NEK7: variants seen among roughly 807,000 people sequenced by gnomAD.
NEK7 encodes NIMA related kinase 7, also known as serine/threonine-protein kinase Nek7.
A neutral mutation model predicts 44.6 loss-of-function variants in NEK7; 18 were observed. The ratio of observed to expected loss-of-function variants is 0.40; its 90% CI spans 0.28 to 0.60. The LOEUF is 0.60. Among genes scored for constraint, NEK7 ranks in the 20% least tolerant of loss-of-function variants. NEK7 has a pLI of 0.38. For missense variants in NEK7, 256 were observed against 366.5 expected, an observed-to-expected ratio of 0.70 and a Z score of 2.46; for synonymous variants, 130 against 121.1, an observed-to-expected ratio of 1.07 and a Z score of -0.48.
At chr1:198,242,132 AATT>A (rs1380967482) in intron 2 of NEK7, among the ~76,000 whole-genome samples, 3 of 151,670 alleles carry the variant, frequency 2.0e-5, no homozygotes, top group Non-Finnish European at 4.4e-5. Context: ...CTCCATCTCA[AATT>A]ATATTCTTAT....
At chr1:198,213,407 G>C (rs1665833119) in intron 1 of NEK7, among the ~76,000 whole-genome samples, 1 of 152,136 alleles carries the variant, frequency 6.6e-6, no homozygotes, top group Non-Finnish European at 1.5e-5. Flanking sequence ...AAGGGTCTTG[G>C]AGAAGGGGGC....
rs116602713 is a variant in NEK7, at chr1:198,217,998, C to A, written c.-28-14555C>A. On this transcript the variant is annotated intron_variant, in intron 1 of 9. Coordinates refer to ENST00000367385, the MANE Select transcript of NEK7 (RefSeq NM_133494.3). ...AAAGAATCAATATTGTGAAAATGAC[C>A]ATACTGCCTAAAGCAATCCTATGAA... Among the ~76,000 whole-genome samples, 294 of 151,994 alleles carry A rather than the reference C, an allele frequency of 1.9e-3. 1 individual carries two copies. The highest frequency in any genetic ancestry group is 6.5e-3 in the African/African-American group (271 of 41,516).
chr1:198,249,054 C>A lies in NEK7; in HGVS notation c.58-3986C>A, dbSNP rs1245278197. ...ATCCCTCCCCCCTCCCCCCACCCCACAACAGTCCCCAGAGTGTGATGTTCC... is the reference window on the plus strand; with the variant it reads ...ATCCCTCCCCCCTCCCCCCACCCCAAAACAGTCCCCAGAGTGTGATGTTCC... On this transcript the variant is annotated intron_variant, in intron 2 of 9. Coordinates refer to ENST00000367385, the MANE Select transcript of NEK7 (RefSeq NM_133494.3). 2.5e-5 allele frequency among the ~76,000 whole-genome samples: 3 copies of A among 119,644 alleles called. No individual in the cohort carries two copies. In the South Asian group the frequency reaches 8.8e-4, roughly 35 times the overall value. 78.5% of individuals were successfully genotyped at this position (119,644 alleles called of 152,430 possible). A position where few individuals can be genotyped will look rare whatever the true frequency, so the allele number is the denominator to read the frequency against.
At position 198,242,751 on chromosome 1, in the gene NEK7, C is replaced by T. The variant is rs369841441; in HGVS notation, c.57+10114C>T. Among the ~76,000 whole-genome samples, 59 of 150,988 alleles carry T rather than the reference C, an allele frequency of 3.9e-4. No homozygotes were observed. In the Middle Eastern group the frequency reaches 0.01, roughly 27 times the overall value. ...TGCTGGGATTACAGGCGTGAGCCAC[C>T]GTGCCTGGCCAATCTCAGCTCACTT... On this transcript the variant is annotated intron_variant, in intron 2 of 9. Coordinates refer to ENST00000367385, the MANE Select transcript of NEK7 (RefSeq NM_133494.3).
intron 1 of NEK7, chr1:198,220,873 T>G (rs566653175): frequency 6.6e-6 from 1 of 152,114 alleles, no homozygotes; most frequent in South Asian, 2.1e-4. Flanking sequence ...TTGTTATTTA[T>G]GAGCTGTAGT....
intron 3 of NEK7, among the ~76,000 whole-genome samples, chr1:198,261,892 T>C (rs1410150234): frequency 6.6e-6 from 1 of 151,964 alleles, no homozygotes; most frequent in Non-Finnish European, 1.5e-5. Context: ...AAATTTTAAT[T>C]CCACAAATAC....
At chr1:198,193,421 A>G (rs1325381588) in intron 1 of NEK7, among the ~76,000 whole-genome samples, 1 of 152,130 alleles carries the variant, frequency 6.6e-6, no homozygotes, top group Admixed American at 6.6e-5. Context: ...ACTATTCCAA[A>G]CAATTGAAAA....
intron 9 of NEK7, among the ~76,000 whole-genome samples, chr1:198,306,523 T>G (rs1423865842): frequency 2.0e-5 from 3 of 152,168 alleles, no homozygotes; most frequent in African/African-American, 7.2e-5. Flanking sequence ...ATTCCTGGTT[T>G]ATAATACACA....
intron 7 of NEK7, among the ~76,000 whole-genome samples, chr1:198,289,625 C>T (rs1186487933): frequency 6.6e-6 from 1 of 152,186 alleles, no homozygotes; most frequent in East Asian, 1.9e-4. Flanking sequence ...CCAAAGCTAA[C>T]TGCATGTGAG....
intron 9 of NEK7, among the ~76,000 whole-genome samples, chr1:198,315,200 A>G (rs916738978): frequency 6.6e-6 from 1 of 152,136 alleles, no homozygotes; most frequent in African/African-American, 2.4e-5. Context: ...CTGATTTTCC[A>G]GGTGCCGTCT....
chr1:198,230,129 A>G (rs1200580718), intron 1 of NEK7, among the ~76,000 whole-genome samples: 1 of 152,162 alleles, frequency 6.6e-6, no homozygotes, highest in African/African-American at 2.4e-5. Context: ...CATATAAAAA[A>G]TGTTATTTCA....
rs1655476293 is a variant in NEK7, at chr1:198,319,519, C to T, written c.906C>T (p.Ser302=). The T allele has an allele frequency of 6.2e-7, 1 of 1,607,494 alleles. No homozygotes were observed. Among genetic ancestry groups the T allele is most frequent in the African/African-American group, 1.3e-5 (1 of 74,672 alleles). Residue 302 remains serine (S), a synonymous_variant, in exon 10 of 10, where the codon AGC becomes AGT. Transcript: ENST00000367385. The part of the protein sequence containing the change: ...AKRMHACTAS[S] ...GGATGCATGCATGCACTGCAAGCAG[C>T]TAAACATGCAAGATCATGAAGAGTG... is the stretch of plus-strand genomic sequence containing the variant.
chr1:198,279,131 A>G (rs1654111184), intron 7 of NEK7, 70 bp downstream of exon 7: 1 of 888,970 alleles, frequency 1.1e-6, no homozygotes, highest in Non-Finnish European at 1.9e-6. Flanking sequence ...AGGTATACCA[A>G]TTACATGCCA....
chr1:198,179,955 ACTT>A (rs1664714521), intron 1 of NEK7, among the ~76,000 whole-genome samples: 1 of 152,090 alleles, frequency 6.6e-6, no homozygotes, highest in African/African-American at 2.4e-5. Context: ...AAGTTGTGTA[ACTT>A]CTTTCTTTGG....
intron 1 of NEK7, among the ~76,000 whole-genome samples, chr1:198,166,571 T>G (rs1173140220): frequency 1.3e-5 from 2 of 152,186 alleles, no homozygotes; most frequent in Non-Finnish European, 2.9e-5. Flanking sequence ...TGGCTTAATT[T>G]TCATTATTGT....
intron 1 of NEK7, among the ~76,000 whole-genome samples, chr1:198,231,660 C>T (rs967006818): frequency 6.6e-6 from 1 of 151,892 alleles, no homozygotes; most frequent in Non-Finnish European, 1.5e-5. Flanking sequence ...AATTTCTATT[C>T]ATTAGTTCAT....
intron 1 of NEK7, among the ~76,000 whole-genome samples, chr1:198,170,359 GA>G (rs1366861830): frequency 6.6e-6 from 1 of 152,086 alleles, no homozygotes; most frequent in East Asian, 1.9e-4. Context: ...GAGCAACAGG[GA>G]ATAAAGTGAG....
At chr1:198,184,100 T>A (rs759232099) in intron 1 of NEK7, among the ~76,000 whole-genome samples, 4 of 152,202 alleles carry the variant, frequency 2.6e-5, no homozygotes, top group Non-Finnish European at 5.9e-5. Flanking sequence ...CATGCCAGAT[T>A]TTAGAATTTT....
chr1:198,298,465 A>G (rs1305296894), intron 9 of NEK7, among the ~76,000 whole-genome samples: 1 of 152,192 alleles, frequency 6.6e-6, no homozygotes, highest in African/African-American at 2.4e-5. Flanking sequence ...TCAGGTAATT[A>G]GAATAAACTG....
Sources: allele counts gnomAD v4.1 joint callset (sites outside exome capture counted in the v4.1 genomes callset), GRCh38; gene constraint gnomAD v4.1.1; transcripts MANE v1.5; gene names NCBI Gene and HGNC (gene_info 2026-07-23, HGNC 2026-07-21).